PEMT: variants seen among roughly 807,000 people sequenced by gnomAD.
PEMT encodes the protein phosphatidylethanolamine N-methyltransferase, also known as phospholipid methyltransferase.
PEMT carries 23 observed loss-of-function variants against 27.4 expected under a neutral mutation model. That is an observed-to-expected ratio of 0.84 (90% CI 0.60 to 1.19). The LOEUF is 1.19. PEMT is among the 50% of genes most tolerant of loss of function. The probability of loss-of-function intolerance (pLI) is 0.00; values close to 1 mark genes in which losing one functional copy is unlikely to be tolerated. For missense variants in PEMT, 307 were observed against 310.1 expected (o/e 0.99, Z 0.07); for synonymous variants, 137 against 139.1 (o/e 0.98, Z 0.11).
At chr17:17,518,680 G>T (rs995549347) in intron 3 of PEMT, among the ~76,000 whole-genome samples, 4 of 152,202 alleles carry the variant, frequency 2.6e-5, no homozygotes, top group Non-Finnish European at 5.9e-5. Context: ...GCTCAAGCAC[G>T]TGCCTGTGTT....
intron 2 of PEMT, among the ~76,000 whole-genome samples, chr17:17,555,233 C>T (rs921637920): frequency 3.9e-5 from 6 of 152,142 alleles, no homozygotes; most frequent in African/African-American, 1.2e-4. Context: ...GTACCCACCC[C>T]CAAGAAGAAG....
At chr17:17,591,954 G>C (rs552673794), upstream of PEMT, 4 of 985,280 alleles carry the variant, frequency 4.1e-6, no homozygotes, top group Admixed American at 6.1e-5. Flanking sequence ...CCGCACCCGA[G>C]CCTGTAACTG....
chr17:17,551,786 G>A (rs1848489339), intron 2 of PEMT, among the ~76,000 whole-genome samples: 1 of 152,234 alleles, frequency 6.6e-6, no homozygotes, highest in South Asian at 2.1e-4. Flanking sequence ...CTGGTGAGCT[G>A]CTGGTCAGCG....
At position 17,575,245 on chromosome 17, in the gene PEMT, T is replaced by A. The variant is rs1315095928; in HGVS notation, c.204+1675A>T. Among the ~76,000 whole-genome samples the A allele has an allele frequency of 2.6e-5, 4 of 152,134 alleles. No individual in the cohort carries two copies. In the East Asian group the frequency reaches 7.7e-4, roughly 29 times the overall value. On this transcript the variant is annotated intron_variant, in intron 2 of 6. Transcript: ENST00000255389. ...TCCATGGTGACAAGAGACACTCCTG[T>A]GTTTCAATGTCCCTGTGCCACTCCA...
At chr17:17,510,274 G>A (rs1236564684) in intron 4 of PEMT, among the ~76,000 whole-genome samples, 5 of 152,208 alleles carry the variant, frequency 3.3e-5, no homozygotes, top group Non-Finnish European at 7.4e-5. Context: ...ATAAGGGAGT[G>A]GCCGGGGTCA....
intron 2 of PEMT, 98 bp downstream of exon 2, chr17:17,576,822 G>T: frequency 1.1e-6 from 1 of 931,106 alleles, no homozygotes; most frequent in Non-Finnish European, 1.8e-6. Flanking sequence ...CTGTCTGTCT[G>T]TCTGGCCAGC....
At position 17,523,056 on chromosome 17, in the gene PEMT, G is replaced by A. The variant is rs975910468; in HGVS notation, c.205-661C>T. On this transcript the variant is annotated intron_variant, in intron 2 of 6. Coordinates refer to ENST00000255389, the MANE Select transcript of PEMT (RefSeq NM_148172.3). This position sits in a 1 kb window ranked among gnomAD's most constrained non-coding sequence, Gnocchi z 4.8. ...AACATCTGGCCACCAACGGTGGAGA[G>A]AAGGGAGCTCTTCCTGCCTGCCTGC... Among the ~76,000 whole-genome samples the A allele has an allele frequency of 1.3e-5, 2 of 152,212 alleles. No individual in the cohort carries two copies. Among genetic ancestry groups the A allele is most frequent in the African/African-American group, 4.8e-5 (2 of 41,450 alleles).
At chr17:17,579,595 T>C (rs553289356) in intron 1 of PEMT, among the ~76,000 whole-genome samples, 1 of 152,284 alleles carries the variant, frequency 6.6e-6, no homozygotes, top group Non-Finnish European at 1.5e-5. Context: ...GGAGAATTAC[T>C]TGAACCCGGG....
intron 2 of PEMT, among the ~76,000 whole-genome samples, chr17:17,575,715 G>A (rs1401446516): frequency 6.6e-6 from 1 of 152,172 alleles, no homozygotes; most frequent in Non-Finnish European, 1.5e-5. Context: ...CACCAAGCTC[G>A]CCAGTCTCAC....
At chr17:17,508,738 T>G (rs544331848) in intron 5 of PEMT, 1 of 466,574 alleles carries the variant, frequency 2.1e-6, no homozygotes, top group Admixed American at 2.4e-5. Context: ...CACATCTCCA[T>G]ACCTTGTCAG....
At chr17:17,572,139 T>C (rs1911249434) in intron 2 of PEMT, among the ~76,000 whole-genome samples, 1 of 152,184 alleles carries the variant, frequency 6.6e-6, no homozygotes, top group Admixed American at 6.5e-5. Context: ...GGCCCAACCA[T>C]GGGCTGGCCA....
intron 2 of PEMT, among the ~76,000 whole-genome samples, chr17:17,537,547 G>A (rs371060903): frequency 1.3e-5 from 2 of 152,208 alleles, no homozygotes; most frequent in Admixed American, 6.5e-5. Flanking sequence ...GGCCTCAGGC[G>A]AGATCCCCTG....
At chr17:17,510,185 A>G (rs1438392884) in intron 4 of PEMT, among the ~76,000 whole-genome samples, 5 of 152,114 alleles carry the variant, frequency 3.3e-5, no homozygotes, top group African/African-American at 1.2e-4. Context: ...ACTATTGAAC[A>G]GCCTGTTCCA....
At chr17:17,545,487 G>A (rs1404173596) in intron 2 of PEMT, among the ~76,000 whole-genome samples, 1 of 152,180 alleles carries the variant, frequency 6.6e-6, no homozygotes, top group Non-Finnish European at 1.5e-5. Context: ...CCCAGCCCCA[G>A]GGCCATTCCT....
At position 17,583,881 on chromosome 17, in the gene PEMT, G is replaced by A. The variant is rs1912104658; in HGVS notation, c.97-6854C>T. On this transcript the variant is annotated intron_variant, in intron 1 of 6. Coordinates refer to ENST00000255389, the MANE Select transcript of PEMT (RefSeq NM_148172.3). ...GGTGGAAGTTAGAATGTCACAATGC[G>A]ACTGTGGTCTCTAGATCCCACAGTA... 2.0e-5 allele frequency among the ~76,000 whole-genome samples: 3 copies of A among 152,192 alleles called. 1 individual carries two copies. The highest frequency in any genetic ancestry group is 4.1e-4 in the South Asian group (2 of 4,832).
chr17:17,551,484 C>T (rs1909649085), intron 2 of PEMT, among the ~76,000 whole-genome samples: 1 of 152,204 alleles, frequency 6.6e-6, no homozygotes, highest in Admixed American at 6.5e-5. Flanking sequence ...CAGGCCTCCA[C>T]AGCAGCCCAG....
chr17:17,574,707 C>T (rs1911463588), intron 2 of PEMT, among the ~76,000 whole-genome samples: 1 of 152,206 alleles, frequency 6.6e-6, no homozygotes, highest in South Asian at 2.1e-4. Flanking sequence ...ACACTGTTGG[C>T]TAGGCTAGTG....
At chr17:17,566,105 T>C (rs565003822) in intron 2 of PEMT, among the ~76,000 whole-genome samples, 1 of 152,340 alleles carries the variant, frequency 6.6e-6, no homozygotes, top group South Asian at 2.1e-4. Flanking sequence ...CAAAAACTCA[T>C]GCCTTGGAAA....
chr17:17,508,622 A>C (rs1906090942), intron 5 of PEMT, among the ~76,000 whole-genome samples: 2 of 152,302 alleles, frequency 1.3e-5, no homozygotes, highest in South Asian at 4.1e-4. Context: ...CTTCTATGGA[A>C]GAAAATGGCT....
Sources: gnomAD v4.1 joint callset for allele counts (sites outside exome capture counted in the v4.1 genomes callset) on GRCh38, gnomAD v4.1.1 for gene constraint, Gnocchi (gnomAD v3.1) non-coding constraint, MANE v1.5 for transcripts, NCBI Gene and HGNC (gene_info 2026-07-23, HGNC 2026-07-21) for gene names.